Variants in CHODL observed in about 807,000 individuals in gnomAD.
The protein encoded by CHODL is transmembrane protein MT75.
A neutral mutation model predicts 34.5 loss-of-function variants in CHODL; 29 were observed. The ratio of observed to expected loss-of-function variants is 0.84; its 90% CI spans 0.63 to 1.15. The LOEUF (loss-of-function observed/expected upper bound fraction) is 1.15. CHODL is among the 50% of genes most tolerant of loss of function. The probability of loss-of-function intolerance (pLI) is 0.00; values close to 1 mark genes in which losing one functional copy is unlikely to be tolerated. For missense variants in CHODL, 332 were observed against 332.5 expected (o/e 1.00, Z 0.01); for synonymous variants, 125 against 116.1 (o/e 1.08, Z -0.49).
chr21:17,965,613 G>T (rs989935672), intron 1 of CHODL, among the ~76,000 whole-genome samples: 5 of 152,082 alleles, frequency 3.3e-5, no homozygotes, highest in African/African-American at 1.2e-4. Flanking sequence ...TAATGCATTT[G>T]TTTTAATTCT....
chr21:18,022,868 G>A (rs1203326543), intron 1 of CHODL, among the ~76,000 whole-genome samples: 6 of 152,168 alleles, frequency 3.9e-5, no homozygotes, highest in Non-Finnish European at 8.8e-5. Context: ...ACACTTAGAG[G>A]TTACTTGCTC....
chr21:18,126,396 T>C (rs1054986360), intron 2 of CHODL, among the ~76,000 whole-genome samples: 1 of 152,208 alleles, frequency 6.6e-6, no homozygotes, highest in African/African-American at 2.4e-5. Context: ...TTATATACAC[T>C]GGGAAAACAA....
chr21:18,074,764 GTCT>G (rs1339750115), intron 2 of CHODL, among the ~76,000 whole-genome samples: 1 of 152,132 alleles, frequency 6.6e-6, no homozygotes, highest in Non-Finnish European at 1.5e-5. Context: ...GAATATGGAA[GTCT>G]TCAGGCTGAG....
intron 2 of CHODL, among the ~76,000 whole-genome samples, chr21:18,193,243 T>C (rs2073532725): frequency 6.6e-6 from 1 of 152,226 alleles, no homozygotes; most frequent in Non-Finnish European, 1.5e-5. Context: ...TATGTAATTA[T>C]ACAAGATATT....
At chr21:18,055,626 A>G (rs2064569749) in intron 2 of CHODL, among the ~76,000 whole-genome samples, 1 of 152,048 alleles carries the variant, frequency 6.6e-6, no homozygotes, top group Non-Finnish European at 1.5e-5. Context: ...CGGCAGGGCT[A>G]AAGTGTGGAC....
chr21:18,256,370 C>T (rs1003163913), intron 1 of CHODL, 139 bp from the exon 2 acceptor site: 12 of 892,058 alleles, frequency 1.3e-5, no homozygotes, highest in Non-Finnish European at 1.8e-5. Context: ...AGAAAATAAA[C>T]TTTATGAAAT....
At chr21:18,138,166 T>A (rs1311155134) in intron 2 of CHODL, among the ~76,000 whole-genome samples, 3 of 150,364 alleles carry the variant, frequency 2.0e-5, no homozygotes, top group Admixed American at 2.0e-4. Context: ...TTTTTTTTTT[T>A]ATGTATAGTA....
intron 2 of CHODL, among the ~76,000 whole-genome samples, chr21:18,234,945 T>C (rs934046795): frequency 6.6e-6 from 1 of 152,100 alleles, no homozygotes; most frequent in Non-Finnish European, 1.5e-5. Context: ...TGAATTAGTT[T>C]TATCCATCTG....
At chr21:18,234,130 A>G (rs562412640) in intron 2 of CHODL, among the ~76,000 whole-genome samples, 1 of 152,282 alleles carries the variant, frequency 6.6e-6, no homozygotes, top group East Asian at 1.9e-4. Context: ...CTTAAAGACA[A>G]TAAATACTAC....
rs539302890 is a variant in CHODL, at chr21:18,160,575, G to C, written c.-44-95934G>C. 2.0e-5 allele frequency among the ~76,000 whole-genome samples: 3 copies of C among 152,120 alleles called. No individual in the cohort carries two copies. The South Asian group carries it at 6.2e-4, about 32-fold the overall frequency. ...ACATTTAGCGTCCACGTATAAGTAA[G>C]AACATTCAGTGTTTGGTTTTCTGTT... On this transcript the variant is annotated intron_variant, in intron 2 of 6. Transcript: ENST00000400127.
At chr21:18,047,806 C>T (rs1421508061) in intron 2 of CHODL, among the ~76,000 whole-genome samples, 1 of 151,900 alleles carries the variant, frequency 6.6e-6, no homozygotes, top group Non-Finnish European at 1.5e-5. Context: ...AGATGTCATA[C>T]CACCTGCTCT....
chr21:18,179,178 G>A (rs1016313646), intron 2 of CHODL, among the ~76,000 whole-genome samples: 1 of 152,044 alleles, frequency 6.6e-6, no homozygotes, highest in African/African-American at 2.4e-5. Flanking sequence ...GGTGGTGCAG[G>A]ACTTACCCAT....
At chr21:18,191,202 C>G (rs2073506567) in intron 2 of CHODL, among the ~76,000 whole-genome samples, 1 of 152,104 alleles carries the variant, frequency 6.6e-6, no homozygotes, top group Non-Finnish European at 1.5e-5. Flanking sequence ...TTTAAAAACT[C>G]TAGAAACCTG....
At chr21:17,954,972 C>T (rs1160208940) in intron 1 of CHODL, among the ~76,000 whole-genome samples, 2 of 132,312 alleles carry the variant, frequency 1.5e-5, no homozygotes, top group African/African-American at 5.1e-5. Flanking sequence ...GTTTAGGCTA[C>T]TGTCATAAAC....
chr21:18,185,127 A>G (rs1192765325), intron 2 of CHODL, among the ~76,000 whole-genome samples: 1 of 152,048 alleles, frequency 6.6e-6, no homozygotes, highest in Admixed American at 6.5e-5. Flanking sequence ...GCACCCATCA[A>G]CCTGTCATCT....
At chr21:18,125,568 A>C (rs939954844) in intron 2 of CHODL, among the ~76,000 whole-genome samples, 1 of 152,072 alleles carries the variant, frequency 6.6e-6, no homozygotes, top group East Asian at 1.9e-4. Context: ...TTTTAAATTT[A>C]ATTAATTGTA....
At chr21:18,022,652 C>A (rs1230504756) in intron 1 of CHODL, among the ~76,000 whole-genome samples, 1 of 152,148 alleles carries the variant, frequency 6.6e-6, no homozygotes, top group Non-Finnish European at 1.5e-5. Context: ...TGTCTAGTTA[C>A]TTTTGAGTAG....
At chr21:18,113,748 A>G (rs1436164734) in intron 2 of CHODL, among the ~76,000 whole-genome samples, 2 of 152,204 alleles carry the variant, frequency 1.3e-5, no homozygotes, top group Non-Finnish European at 1.5e-5. Flanking sequence ...TGGGGACACA[A>G]ATCCAAGCTA....
At chr21:18,167,389 A>C (rs77588563) in intron 2 of CHODL, among the ~76,000 whole-genome samples, 11,868 of 147,830 alleles carry the variant, frequency 0.08, 657 homozygotes, top group East Asian at 0.18. Context: ...AGCTCACTGC[A>C]AGCTCCGCCT....
Sources: gnomAD v4.1 joint callset for allele counts (sites outside exome capture counted in the v4.1 genomes callset) on GRCh38, gnomAD v4.1.1 for gene constraint, MANE v1.5 for transcripts, NCBI Gene and HGNC (gene_info 2026-07-23, HGNC 2026-07-21) for gene names.